Variants in ETFB observed in about 807,000 individuals in gnomAD.
ETFB encodes the protein beta-ETF.
ETFB carries 20 observed loss-of-function variants against 25.6 expected under a neutral mutation model. That is an observed-to-expected ratio of 0.78 (90% confidence interval 0.55 to 1.14). The LOEUF is 1.14. Ranked by LOEUF, ETFB falls within the 50% of genes most tolerant of loss-of-function variation. The pLI is 0.00. For synonymous variants in ETFB, 142 were observed against 146.7 expected, an observed-to-expected ratio of 0.97 and a Z score of 0.23; for missense variants, 286 against 342.6, an observed-to-expected ratio of 0.83 and a Z score of 1.30.
At chr19:51,351,861 G>A (rs1456518146) in intron 3 of ETFB, among the ~76,000 whole-genome samples, 1 of 151,990 alleles carries the variant, frequency 6.6e-6, no homozygotes, top group Non-Finnish European at 1.5e-5. Context: ...TGAGCCTGCT[G>A]TGCTCTGCTG....
At chr19:51,363,306 CAG>C (rs2123614452) in intron 1 of ETFB, among the ~76,000 whole-genome samples, 1 of 152,156 alleles carries the variant, frequency 6.6e-6, no homozygotes, top group South Asian at 2.1e-4. Context: ...ATGGGGTAAA[CAG>C]AGGATCCCAA....
Position 51,353,231 on chromosome 19 carries a change from G to T in ETFB, c.276C>A (p.Pro92=). The change falls in exon 3 of 6, where the codon CCC becomes CCA. Residue 92 remains proline (P), a synonymous_variant. Transcript: ENST00000309244. ...GACCCAAGCGTTCTGCTTCTGCTGGGGGCACCTCCACGTGGATACCTCGGT... is the reference window on the plus strand; with the variant it reads ...GACCCAAGCGTTCTGCTTCTGCTGGTGGCACCTCCACGTGGATACCTCGGT... ...GADRGIHVEV[P]PAEAERLGPL... 1 of 1,614,074 alleles carries T rather than the reference G, an allele frequency of 6.2e-7. No individual in the cohort carries two copies. Among genetic ancestry groups the T allele is most frequent in the Non-Finnish European group, 8.5e-7 (1 of 1,180,006 alleles).
chr19:51,357,922 G>A (rs12985380), intron 1 of ETFB, among the ~76,000 whole-genome samples: 67,900 of 152,108 alleles, frequency 0.45, 16,619 homozygotes, highest in Non-Finnish European at 0.55. Flanking sequence ...AGACAGCTGT[G>A]ACAGCAGAGA....
intron 1 of ETFB, chr19:51,356,800 G>A (rs1247945645): frequency 6.6e-6 from 1 of 152,176 alleles, no homozygotes; most frequent in East Asian, 1.9e-4. Flanking sequence ...TGAGACCAAG[G>A]GGTCTGCAGG....
At chr19:51,364,511 G>C (rs912997705) in intron 1 of ETFB, among the ~76,000 whole-genome samples, 4 of 152,222 alleles carry the variant, frequency 2.6e-5, no homozygotes, top group African/African-American at 7.2e-5. Context: ...GCTGGGACCA[G>C]AGCTGAGTCA....
At chr19:51,349,290 G>T (rs1985871082) in intron 4 of ETFB, among the ~76,000 whole-genome samples, 1 of 152,088 alleles carries the variant, frequency 6.6e-6, no homozygotes, top group African/African-American at 2.4e-5. Flanking sequence ...TAACCCCATT[G>T]CTTGTAGAGC....
intron 1 of ETFB, among the ~76,000 whole-genome samples, chr19:51,359,145 G>A (rs922255561): frequency 4.0e-5 from 6 of 151,856 alleles, no homozygotes; most frequent in Non-Finnish European, 7.4e-5. Context: ...TCCACCTCCC[G>A]GGCTCAGGTG....
rs758639864 is a variant in ETFB, at chr19:51,346,892, G to A, written c.597+8C>T. ...CAGGCCCTCAGTGCCCGCTGGCCAG[G>A]GGCTCACCATGATGTTGGGCAGCGT... On this transcript the variant is annotated splice_region_variant and intron_variant, in intron 5 of 5. Transcript: ENST00000309244. 8 of 1,549,876 alleles carry A rather than the reference G, an allele frequency of 5.2e-6. No individual in the cohort carries two copies. The highest frequency in any genetic ancestry group is 7.0e-6 in the Non-Finnish European group (8 of 1,147,400).
intron 2 of ETFB, 28 bp from the exon 3 acceptor site, chr19:51,353,318 G>A (rs1985976226): frequency 6.2e-7 from 1 of 1,613,480 alleles, no homozygotes; most frequent in South Asian, 1.1e-5. Context: ...GCTTGACTTG[G>A]CTGCTATCCT....
Position 51,353,643 on chromosome 19 carries a change from G to A in ETFB, c.217-353C>T, listed in dbSNP as rs182536469. On this transcript the variant is annotated intron_variant, in intron 2 of 5. Transcript: ENST00000309244. ...CCTCCTTCCTCAGACCCAGGAGTCC[G>A]GGCCCCCATCCCCTCCTTCTTCAGA... Among the ~76,000 whole-genome samples the A allele has an allele frequency of 7.1e-3, 53 of 7,516 alleles. 1 individual carries two copies. Among genetic ancestry groups the A allele is most frequent in the Non-Finnish European group, 8.1e-3 (23 of 2,826 alleles). The allele number at this position is 7,516 out of a possible 152,430, so 4.9% of individuals were successfully genotyped here.
chr19:51,366,276 G>A lies in ETFB; in HGVS notation c.51C>T (p.Ala17=), dbSNP rs753150123. 1 of 1,613,990 alleles carries A rather than the reference G, an allele frequency of 6.2e-7. No homozygotes were observed. The highest frequency in any genetic ancestry group is 1.1e-5 in the South Asian group (1 of 91,066). The part of the protein sequence containing the change: ...LVAVKRVIDY[A]VKIRVKPDRT... The stretch of plus-strand genomic sequence containing the variant: ...GAGAGGGGGGCCCGATCACCTTCAC[G>A]GCGTAGTCGATGACCCTCTTGACAG... Residue 17 remains alanine (A), a synonymous_variant, in exon 1 of 6, where the codon GCC becomes GCT. Transcript: ENST00000309244.
chr19:51,354,289 C>A lies in ETFB; in HGVS notation c.77G>T (p.Arg26Met). The A allele has an allele frequency of 6.2e-7, 1 of 1,614,184 alleles. No homozygotes were observed. The highest frequency in any genetic ancestry group is 8.5e-7 in the Non-Finnish European group (1 of 1,180,046). The change falls in exon 2 of 6, where the codon AGG becomes ATG. Residue 26 changes from arginine to methionine, a missense_variant. By Grantham distance (91) the Arg-to-Met change is moderately conservative. Coordinates refer to ENST00000309244, the MANE Select transcript of ETFB (RefSeq NM_001985.3). ...CACACCATCCGTGACCACACCGGTC[C>A]TGTCAGGCTTCACTCGGATCTGCCC... is the stretch of plus-strand genomic sequence containing the variant. ...YAVKIRVKPD[R>M]TGVVTDGVKH...
At chr19:51,364,073 C>T (rs1986293505) in intron 1 of ETFB, among the ~76,000 whole-genome samples, 1 of 152,054 alleles carries the variant, frequency 6.6e-6, no homozygotes, top group African/African-American at 2.4e-5. Flanking sequence ...GCAGGGTGAG[C>T]TCTGGGTGCA....
chr19:51,364,966 G>T (rs1009865004), intron 1 of ETFB, among the ~76,000 whole-genome samples: 1 of 152,130 alleles, frequency 6.6e-6, no homozygotes, highest in Non-Finnish European at 1.5e-5. Context: ...AGGCAGGCGG[G>T]TGGATCACCT....
At chr19:51,350,565 A>G (rs1292441681) in intron 3 of ETFB, among the ~76,000 whole-genome samples, 174 bp from the exon 4 acceptor site, 3 of 151,896 alleles carry the variant, frequency 2.0e-5, no homozygotes, top group Admixed American at 2.0e-4. Context: ...GCTCACTGCA[A>G]CCTCCGCCTC....
intron 1 of ETFB, chr19:51,355,410 T>C (rs1986055448): frequency 1.3e-5 from 2 of 152,222 alleles, no homozygotes; most frequent in Admixed American, 6.5e-5. Flanking sequence ...TCACACCAGT[T>C]AGAACGGCGA....
intron 1 of ETFB, among the ~76,000 whole-genome samples, chr19:51,359,593 A>ACACACG (rs1555755883): frequency 6.6e-6 from 1 of 152,066 alleles, no homozygotes; most frequent in African/African-American, 2.4e-5. Flanking sequence ...ACACACACAC[A>ACACACG]CACGCACGCA....
At chr19:51,357,802 T>A (rs1986120918) in intron 1 of ETFB, among the ~76,000 whole-genome samples, 1 of 152,070 alleles carries the variant, frequency 6.6e-6, no homozygotes, top group African/African-American at 2.4e-5. Context: ...AACCTGAGTT[T>A]TTATAAGGTC....
chr19:51,349,846 T>A (rs1985888905), intron 4 of ETFB, among the ~76,000 whole-genome samples: 1 of 45,838 alleles, frequency 2.2e-5, no homozygotes, highest in Non-Finnish European at 4.5e-5. Flanking sequence ...GCCTCCCAAG[T>A]TCAAGCAATT....
Sources: gnomAD v4.1 joint callset for allele counts (sites outside exome capture counted in the v4.1 genomes callset) on GRCh38, gnomAD v4.1.1 for gene constraint, MANE v1.5 for transcripts, NCBI Gene and HGNC (gene_info 2026-07-23, HGNC 2026-07-21) for gene names.